The following DIAPH3 variants were observed in gnomAD, a reference collection of about 807,000 sequenced individuals.
DIAPH3 encodes protein diaphanous homolog 3.
DIAPH3 carries 117 observed loss-of-function variants against 144.3 expected under a neutral mutation model. The ratio of observed to expected loss-of-function variants is 0.81; its 90% CI spans 0.70 to 0.95. The LOEUF (loss-of-function observed/expected upper bound fraction) is 0.95. Ranked by LOEUF, DIAPH3 falls within the 40% of genes least tolerant of loss-of-function variation. The pLI, the probability that DIAPH3 is intolerant of heterozygous loss-of-function variation, is 0.00. For missense variants in DIAPH3, 1,421 were observed against 1,412.7 expected (o/e 1.01, Z -0.09); for synonymous variants, 519 against 488.9 (o/e 1.06, Z -0.81).
rs543686148 is a variant in DIAPH3 at position 60,112,060 on chromosome 13, G to C, written c.340C>G (p.Pro114Ala). ...AGTTCATTCTCTGACAGTGGCTTTG[G>C]AAAGTTCTCCATCATCTCTAAAGGT... ...AAPLEMMENF[P>A]KPLSENELLE... Residue 114 changes from proline to alanine, a missense_variant, in exon 3 of 28, where the codon CCA becomes GCA. Pro to Ala is a conservative substitution (Grantham distance 27, BLOSUM62 -1). Transcript: ENST00000400324. 2 of 1,614,136 alleles carry C rather than the reference G, an allele frequency of 1.2e-6. No homozygotes were observed. Among genetic ancestry groups the C allele is most frequent in the South Asian group, 2.2e-5 (2 of 91,084 alleles).
intron 1 of DIAPH3, among the ~76,000 whole-genome samples, chr13:60,137,586 A>C (rs981987187): frequency 2.0e-5 from 3 of 152,104 alleles, no homozygotes; most frequent in Non-Finnish European, 4.4e-5. Context: ...AGGCCAATGG[A>C]GCAAAGGATC....
At chr13:59,721,423 A>G (rs181321302) in intron 27 of DIAPH3, among the ~76,000 whole-genome samples, 44 of 152,328 alleles carry the variant, frequency 2.9e-4, no homozygotes, top group African/African-American at 8.4e-4. Context: ...TTATACAACC[A>G]TGGTTCTTCA....
chr13:60,112,403 C>T (rs893217598), intron 2 of DIAPH3, among the ~76,000 whole-genome samples: 1 of 152,184 alleles, frequency 6.6e-6, no homozygotes, highest in Admixed American at 6.5e-5. Context: ...GCTCAGACAA[C>T]ATTGAAAGAT....
Position 59,814,928 on chromosome 13 carries a change from T to C in DIAPH3, c.3028-4005A>G, listed in dbSNP as rs1280369297. 3.9e-5 allele frequency among the ~76,000 whole-genome samples: 6 copies of C among 152,370 alleles called. No homozygotes were observed. In the South Asian group the frequency reaches 8.3e-4, roughly 21 times the overall value. ...TATATACCACACGTAAGTGAGATCA[T>C]ATTATGGTATTTGTCTCTCAGTGAA... On this transcript the variant is annotated intron_variant, in intron 24 of 27. Transcript: ENST00000400324.
At chr13:59,994,489 A>C (rs1272522190) in intron 9 of DIAPH3, among the ~76,000 whole-genome samples, 1 of 151,940 alleles carries the variant, frequency 6.6e-6, no homozygotes, top group African/African-American at 2.4e-5. Flanking sequence ...ACGTTAAAAA[A>C]CTACAAAGGT....
intron 24 of DIAPH3, among the ~76,000 whole-genome samples, chr13:59,824,623 G>A (rs2139660174): frequency 6.6e-6 from 1 of 152,226 alleles, no homozygotes; most frequent in South Asian, 2.1e-4. Flanking sequence ...ATATATATAG[G>A]AAATTAAGTT....
intron 27 of DIAPH3, among the ~76,000 whole-genome samples, chr13:59,763,997 T>C (rs1298545936): frequency 6.6e-6 from 1 of 151,926 alleles, no homozygotes; most frequent in African/African-American, 2.4e-5. Context: ...CTGTTCATTA[T>C]ATCCAGAGAT....
intron 21 of DIAPH3, among the ~76,000 whole-genome samples, chr13:59,874,270 G>C (rs1481646183): frequency 6.6e-6 from 1 of 152,158 alleles, no homozygotes; most frequent in Non-Finnish European, 1.5e-5. Context: ...GGGTACTCCA[G>C]GTTGCTAATC....
intron 25 of DIAPH3, among the ~76,000 whole-genome samples, chr13:59,791,143 T>G (rs2039305629): frequency 6.6e-6 from 1 of 151,986 alleles, no homozygotes; most frequent in Admixed American, 6.6e-5. Flanking sequence ...TAAAAAAAAT[T>G]TTGTTTTATA....
At chr13:60,082,952 C>T (rs1423800391) in intron 4 of DIAPH3, among the ~76,000 whole-genome samples, 3 of 152,056 alleles carry the variant, frequency 2.0e-5, no homozygotes, top group Non-Finnish European at 2.9e-5. Flanking sequence ...CATCCACACA[C>T]GCTTTTTTAG....
intron 12 of DIAPH3, among the ~76,000 whole-genome samples, chr13:59,990,081 A>G (rs2051712827): frequency 6.6e-6 from 1 of 151,978 alleles, no homozygotes; most frequent in Non-Finnish European, 1.5e-5. Context: ...TCTAGCATTT[A>G]TAATATAAAT....
intron 1 of DIAPH3, among the ~76,000 whole-genome samples, chr13:60,136,604 T>C (rs574070863): frequency 1.4e-4 from 22 of 152,264 alleles, no homozygotes; most frequent in African/African-American, 5.1e-4. Flanking sequence ...ATTAATGTTT[T>C]ATGGCACTGA....
chr13:59,999,248 TAAG>T (rs1057162819), intron 9 of DIAPH3, among the ~76,000 whole-genome samples: 5 of 152,162 alleles, frequency 3.3e-5, no homozygotes, highest in African/African-American at 1.2e-4. Context: ...ATCCCTCACT[TAAG>T]AAAGGTTTTT....
At chr13:59,782,160 A>AAAAG (rs375512201) in intron 25 of DIAPH3, among the ~76,000 whole-genome samples, 2,792 of 152,274 alleles carry the variant, frequency 0.018, 74 homozygotes, top group East Asian at 0.12. Flanking sequence ...AAAAATTAAA[A>AAAAG]GAAGAAAAAT....
intron 4 of DIAPH3, among the ~76,000 whole-genome samples, chr13:60,091,511 T>C (rs932744183): frequency 1.3e-5 from 2 of 152,144 alleles, no homozygotes; most frequent in South Asian, 2.1e-4. Flanking sequence ...TTGCCCAGGC[T>C]GGTCTCGAAC....
chr13:60,071,829 CAATCT>C (rs370525587), intron 4 of DIAPH3, among the ~76,000 whole-genome samples: 72 of 152,150 alleles, frequency 4.7e-4, no homozygotes, highest in African/African-American at 1.7e-3. Context: ...CTAATCTAAT[CAATCT>C]AATCTAATCA....
At chr13:60,052,171 A>C (rs1594520037) in intron 4 of DIAPH3, among the ~76,000 whole-genome samples, 1 of 152,248 alleles carries the variant, frequency 6.6e-6, no homozygotes, top group East Asian at 1.9e-4. Context: ...TAAGGAGAGA[A>C]GTAAGGGCAT....
intron 17 of DIAPH3, among the ~76,000 whole-genome samples, chr13:59,938,461 T>C (rs2048363073): frequency 6.6e-6 from 1 of 152,008 alleles, no homozygotes; most frequent in Admixed American, 6.6e-5. Flanking sequence ...ACGTAAAAAT[T>C]AGCTGGGCAT....
At chr13:60,002,223 T>G (rs1342985888) in intron 9 of DIAPH3, among the ~76,000 whole-genome samples, 1 of 152,206 alleles carries the variant, frequency 6.6e-6, no homozygotes, top group Non-Finnish European at 1.5e-5. Context: ...AAGGCAGGAC[T>G]GAGGCAAATA....
Sources: gnomAD v4.1 joint callset for allele counts (sites outside exome capture counted in the v4.1 genomes callset) on GRCh38, gnomAD v4.1.1 for gene constraint, MANE v1.5 for transcripts, NCBI Gene and HGNC (gene_info 2026-07-23, HGNC 2026-07-21) for gene names.